The following NEO1 variants were observed in gnomAD, a reference collection of about 807,000 sequenced individuals.
NEO1 encodes the protein neogenin 1.
NEO1 carries 63 observed loss-of-function variants against 159.7 expected under a neutral mutation model. The observed-to-expected ratio is 0.39, with a 90% confidence interval of 0.32 to 0.49. The LOEUF is 0.49. Ranked by LOEUF, NEO1 falls within the 20% of genes least tolerant of loss-of-function variation. The probability of loss-of-function intolerance (pLI) is 0.85; values close to 1 mark genes in which losing one functional copy is unlikely to be tolerated. For missense variants in NEO1, 1,615 were observed against 1,831.0 expected (o/e 0.88, Z 2.15); for synonymous variants, 633 against 662.0 (o/e 0.96, Z 0.67).
chr15:73,288,170 G>A (rs2042021661), intron 23 of NEO1, 143 bp from the exon 24 acceptor site: 2 of 680,606 alleles, frequency 2.9e-6, no homozygotes, highest in Non-Finnish European at 5.2e-6. Context: ...TGTTGTTGTT[G>A]TTGGGGGCAG....
At chr15:73,070,617 G>T (rs2068484522) in intron 1 of NEO1, among the ~76,000 whole-genome samples, 1 of 152,172 alleles carries the variant, frequency 6.6e-6, no homozygotes. Context: ...CAAGATCCTA[G>T]TATACGCCTT....
chr15:73,152,912 A>G (rs542185108), intron 5 of NEO1, among the ~76,000 whole-genome samples: 82 of 152,130 alleles, frequency 5.4e-4, no homozygotes, highest in Non-Finnish European at 8.5e-4. Flanking sequence ...CTGTGGGTGT[A>G]TGTTTAGAGA....
intron 7 of NEO1, among the ~76,000 whole-genome samples, chr15:73,193,408 A>G (rs1165990777): frequency 4.6e-5 from 7 of 152,012 alleles, no homozygotes; most frequent in African/African-American, 1.7e-4. Context: ...CAGGACTGAT[A>G]TCTTGGTTTT....
intron 5 of NEO1, among the ~76,000 whole-genome samples, chr15:73,173,198 T>C (rs1447030089): frequency 6.6e-6 from 1 of 152,166 alleles, no homozygotes; most frequent in Non-Finnish European, 1.5e-5. Context: ...TGTTTGTCTG[T>C]TTGCTTTGAG....
rs567241743 is a variant in NEO1, at chr15:73,111,372, A to G, written c.131-5168A>G. On this transcript the variant is annotated intron_variant, in intron 1 of 28. Transcript: ENST00000261908. ...AATGTTCCTCTCCTGTGCAGACGATATGTGTGTATGAATTTATGAATGAAG... is the reference window on the plus strand; with the variant it reads ...AATGTTCCTCTCCTGTGCAGACGATGTGTGTGTATGAATTTATGAATGAAG... Among the ~76,000 whole-genome samples the G allele has an allele frequency of 2.6e-5, 4 of 152,258 alleles. No individual in the cohort carries two copies. The South Asian group carries it at 8.3e-4, about 32-fold the overall frequency.
At chr15:73,274,792 G>GTTT in intron 21 of NEO1, 68 bp downstream of exon 21, 2 of 1,210,742 alleles carry the variant, frequency 1.7e-6, no homozygotes, top group Non-Finnish European at 1.1e-6. Context: ...TTTGGTTTTT[G>GTTT]TTTCTTTTTT....
chr15:73,295,559 T>G (rs926050280), intron 26 of NEO1, among the ~76,000 whole-genome samples: 21 of 151,452 alleles, frequency 1.4e-4, no homozygotes, highest in African/African-American at 5.1e-4. Flanking sequence ...AGGCAGAAAG[T>G]GAAGAGAGGG....
chr15:73,201,603 C>G (rs558448561), intron 7 of NEO1, among the ~76,000 whole-genome samples: 1 of 152,182 alleles, frequency 6.6e-6, no homozygotes, highest in South Asian at 2.1e-4. Context: ...TTCAGATCAT[C>G]TATATACTTA....
At chr15:73,126,355 C>G (rs1312848557) in intron 3 of NEO1, 62 bp from the exon 4 acceptor site, 1 of 1,446,852 alleles carries the variant, frequency 6.9e-7, no homozygotes, top group South Asian at 1.3e-5. Context: ...TGGGTGTGAG[C>G]CACCATGTCC....
intron 7 of NEO1, among the ~76,000 whole-genome samples, chr15:73,188,428 T>C (rs147701576): frequency 3.2e-3 from 490 of 152,340 alleles, no homozygotes; most frequent in African/African-American, 0.011. Context: ...CTTCCTGATA[T>C]CATTACAGGG....
intron 1 of NEO1, among the ~76,000 whole-genome samples, chr15:73,101,696 A>G (rs1413955407): frequency 6.6e-6 from 1 of 152,098 alleles, no homozygotes; most frequent in Non-Finnish European, 1.5e-5. Flanking sequence ...GCATTGTCTC[A>G]TCGATTTTGT....
chr15:73,168,465 C>G (rs1268274023), intron 5 of NEO1, among the ~76,000 whole-genome samples: 1 of 150,760 alleles, frequency 6.6e-6, no homozygotes, highest in African/African-American at 2.4e-5. Flanking sequence ...TCCCAAAGTG[C>G]TAGGATTACA....
chr15:73,066,835 T>C (rs555360117), intron 1 of NEO1, among the ~76,000 whole-genome samples: 1 of 152,300 alleles, frequency 6.6e-6, no homozygotes, highest in South Asian at 2.1e-4. Context: ...CAGTAGCCTT[T>C]AGAATCTGCC....
chr15:73,103,389 A>G (rs963265200), intron 1 of NEO1, among the ~76,000 whole-genome samples: 8 of 152,172 alleles, frequency 5.3e-5, no homozygotes, highest in Non-Finnish European at 1.0e-4. Context: ...TGCCACTTCC[A>G]CTGCCAGCTT....
intron 5 of NEO1, among the ~76,000 whole-genome samples, chr15:73,151,608 A>G (rs1324252722): frequency 1.3e-5 from 2 of 152,202 alleles, no homozygotes; most frequent in Non-Finnish European, 2.9e-5. Flanking sequence ...CCTTCTTCAC[A>G]TGGTGGCAGG....
chr15:73,124,777 C>T (rs2029945632), intron 3 of NEO1, among the ~76,000 whole-genome samples: 1 of 152,162 alleles, frequency 6.6e-6, no homozygotes, highest in Non-Finnish European at 1.5e-5. Context: ...CATGTTCTAT[C>T]TTACTTGTCT....
At chr15:73,222,986 C>CA (rs1245871213) in intron 7 of NEO1, among the ~76,000 whole-genome samples, 3 of 152,142 alleles carry the variant, frequency 2.0e-5, no homozygotes, top group Non-Finnish European at 4.4e-5. Context: ...TCATTATTGT[C>CA]ATTCAGTTTG....
Position 73,274,729 on chromosome 15 carries a change from A to G in NEO1, c.3193+5A>G. The G allele has an allele frequency of 6.2e-7, 1 of 1,612,346 alleles. No homozygotes were observed. The highest frequency in any genetic ancestry group is 1.3e-5 in the African/African-American group (1 of 74,834). On this transcript the variant is annotated splice_donor_5th_base_variant and intron_variant, in intron 21 of 28. Transcript: ENST00000261908. Reference sequence around the variant, plus strand: ...ATAAAATGCCTAATGATCAAGGTAAATGAGTAGATGGCCTCTCTTTTCTTT... The same window carrying G: ...ATAAAATGCCTAATGATCAAGGTAAGTGAGTAGATGGCCTCTCTTTTCTTT...
intron 23 of NEO1, among the ~76,000 whole-genome samples, chr15:73,287,110 AGTATT>A (rs1241534491): frequency 6.6e-6 from 1 of 152,160 alleles, no homozygotes; most frequent in Non-Finnish European, 1.5e-5. Flanking sequence ...CTACCTTTCT[AGTATT>A]ATTTCACATC....
Sources: gnomAD v4.1 joint callset for allele counts (sites outside exome capture counted in the v4.1 genomes callset) on GRCh38, gnomAD v4.1.1 for gene constraint, MANE v1.5 for transcripts, NCBI Gene and HGNC (gene_info 2026-07-23, HGNC 2026-07-21) for gene names.